PHLPP1: variants seen among roughly 807,000 people sequenced by gnomAD.
The protein encoded by PHLPP1 is PH domain leucine-rich repeat-containing protein phosphatase 1.
In PHLPP1, 42 loss-of-function variants were observed where a neutral mutation model predicts 117.2. That is an observed-to-expected ratio of 0.36 (90% confidence interval 0.28 to 0.46). The LOEUF (loss-of-function observed/expected upper bound fraction) is 0.46, where lower values mean the gene tolerates loss of function less well. Ranked by LOEUF, PHLPP1 falls within the 20% of genes least tolerant of loss-of-function variation. The pLI, the probability that PHLPP1 is intolerant of heterozygous loss-of-function variation, is 1.00. For synonymous variants in PHLPP1, 1,042 were observed against 970.7 expected (o/e 1.07, Z -1.37); for missense variants, 2,084 against 2,241.9 (o/e 0.93, Z 1.42).
At chr18:62,766,076 A>AAAAAAAAAAAAAAAAT in intron 1 of PHLPP1, among the ~76,000 whole-genome samples, 3 of 21,648 alleles carry the variant, frequency 1.4e-4, no homozygotes, top group African/African-American at 4.5e-4. Flanking sequence ...AAAAAAAAAA[A>AAAAAAAAAAAAAAAAT]ATATATATAT....
chr18:62,941,287 T>C (rs1055441389), intron 10 of PHLPP1, among the ~76,000 whole-genome samples: 5 of 152,208 alleles, frequency 3.3e-5, no homozygotes, highest in African/African-American at 1.2e-4. Context: ...CTAATTTTTA[T>C]AGAGGCAGGA....
chr18:62,884,116 G>A (rs1916229169), intron 4 of PHLPP1, among the ~76,000 whole-genome samples: 1 of 152,214 alleles, frequency 6.6e-6, no homozygotes, highest in African/African-American at 2.4e-5. Flanking sequence ...GTATTATGCA[G>A]CTGTCAAAAA....
intron 1 of PHLPP1, among the ~76,000 whole-genome samples, chr18:62,732,431 T>G (rs1911251683): frequency 6.6e-6 from 1 of 152,188 alleles, no homozygotes; most frequent in East Asian, 1.9e-4. Flanking sequence ...TTTAAGCCCA[T>G]TTTTGAGACC....
At chr18:62,875,060 T>G (rs966228410) in intron 4 of PHLPP1, among the ~76,000 whole-genome samples, 43 of 152,196 alleles carry the variant, frequency 2.8e-4, no homozygotes, top group South Asian at 4.1e-4. Context: ...GTTCAAGCGA[T>G]TCTCATGCCT....
At chr18:62,728,557 G>A (rs1206491254) in intron 1 of PHLPP1, among the ~76,000 whole-genome samples, 2 of 149,430 alleles carry the variant, frequency 1.3e-5, no homozygotes, top group African/African-American at 5.0e-5. Context: ...AGGCAGGAGT[G>A]CAGTGGCGCG....
chr18:62,876,584 G>C (rs897325676), intron 4 of PHLPP1, among the ~76,000 whole-genome samples: 2 of 152,266 alleles, frequency 1.3e-5, no homozygotes, highest in East Asian at 3.9e-4. Flanking sequence ...CACCACCAAG[G>C]ATAATCAAAA....
intron 3 of PHLPP1, among the ~76,000 whole-genome samples, chr18:62,843,599 G>A (rs1452936688): frequency 6.6e-6 from 1 of 152,216 alleles, no homozygotes; most frequent in African/African-American, 2.4e-5. Flanking sequence ...ATGTGTATTA[G>A]TGGTAGACAC....
At chr18:62,839,306 T>C (rs958499486) in intron 3 of PHLPP1, 1 of 167,256 alleles carries the variant, frequency 6.0e-6, no homozygotes, top group Non-Finnish European at 1.3e-5. Context: ...TAGTCTAATA[T>C]TATACCATCT....
chr18:62,749,082 G>A (rs376853708), intron 1 of PHLPP1, among the ~76,000 whole-genome samples: 4 of 151,848 alleles, frequency 2.6e-5, no homozygotes, highest in African/African-American at 7.3e-5. Flanking sequence ...CTGATAACTC[G>A]TCTTCATTTG....
intron 1 of PHLPP1, among the ~76,000 whole-genome samples, chr18:62,761,632 CA>C (rs1027407580): frequency 5.1e-5 from 5 of 98,828 alleles, no homozygotes; most frequent in Non-Finnish European, 8.3e-5. Flanking sequence ...GACTCCGTCT[CA>C]AAAAAAAATA....
chr18:62,801,504 G>C (rs1029634880), intron 1 of PHLPP1, among the ~76,000 whole-genome samples: 1 of 152,122 alleles, frequency 6.6e-6, no homozygotes, highest in African/African-American at 2.4e-5. Flanking sequence ...CCAGGCTGGA[G>C]TGCAATGGCG....
At chr18:62,822,747 G>T (rs1352070789) in intron 1 of PHLPP1, among the ~76,000 whole-genome samples, 1 of 152,118 alleles carries the variant, frequency 6.6e-6, no homozygotes, top group Non-Finnish European at 1.5e-5. Context: ...TACAGAGCAG[G>T]ATTTATACCA....
chr18:62,758,072 CAAATGTAA>C (rs1445417338), intron 1 of PHLPP1, among the ~76,000 whole-genome samples: 1 of 152,178 alleles, frequency 6.6e-6, no homozygotes, highest in Non-Finnish European at 1.5e-5. Flanking sequence ...GGAGCTTCTG[CAAATGTAA>C]AATGCCTTTT....
Position 62,978,373 on chromosome 18 carries a change from G to A in PHLPP1, c.4096G>A (p.Asp1366Asn). 1 of 1,612,758 alleles carries A rather than the reference G, an allele frequency of 6.2e-7. No homozygotes were observed. The highest frequency in any genetic ancestry group is 8.5e-7 in the Non-Finnish European group (1 of 1,179,342). Reference sequence around the variant, plus strand: ...GCAGTCCGTGCTCCTGACTCCCCAGGATGAGTTCTTCATCCTAGGCAGTAA... The same window carrying A: ...GCAGTCCGTGCTCCTGACTCCCCAGAATGAGTTCTTCATCCTAGGCAGTAA... ...HVQSVLLTPQ[D>N]EFFILGSKGL... Residue 1366 changes from aspartate to asparagine, a missense_variant, in exon 17 of 17, where the codon GAT becomes AAT. Coordinates refer to ENST00000262719, the MANE Select transcript of PHLPP1 (RefSeq NM_194449.4). This position sits in a 1 kb window ranked among gnomAD's most constrained non-coding sequence, Gnocchi z 7.0.
intron 14 of PHLPP1, among the ~76,000 whole-genome samples, chr18:62,972,129 C>T (rs939015112): frequency 6.6e-6 from 1 of 152,060 alleles, no homozygotes; most frequent in African/African-American, 2.4e-5. Context: ...GTCTATTTTT[C>T]CCAGTGTTTT....
At position 62,895,924 on chromosome 18, in the gene PHLPP1, A is replaced by C; in HGVS notation, c.2357A>C (p.Asp786Ala). The change falls in exon 6 of 17, where the codon GAT (aspartate) becomes GCT (alanine). Residue 786 changes from aspartate to alanine, a missense_variant. Asp to Ala is a moderately radical substitution (Grantham distance 126). Transcript: ENST00000262719. ...GTATTGGAGAAATTGACTGCTGTGG[A>C]TAAACTTTGTATGTCTGGAAACTGT... The part of the protein sequence containing the change: ...PEVLEKLTAV[D>A]KLCMSGNCVE... 1 of 1,613,880 alleles carries C rather than the reference A, an allele frequency of 6.2e-7. No homozygotes were observed. The highest frequency in any genetic ancestry group is 8.5e-7 in the Non-Finnish European group (1 of 1,179,790).
chr18:62,731,346 A>G (rs1911221842), intron 1 of PHLPP1: 1 of 152,086 alleles, frequency 6.6e-6, no homozygotes, highest in African/African-American at 2.4e-5. Context: ...TTTCATTGTT[A>G]TATCTGTTAA....
At chr18:62,747,276 CTTTTTTT>C (rs564178033) in intron 1 of PHLPP1, among the ~76,000 whole-genome samples, 58 of 123,178 alleles carry the variant, frequency 4.7e-4, no homozygotes, top group East Asian at 2.3e-3. Flanking sequence ...TCTTCATTTC[CTTTTTTT>C]TTTTTTTTTT....
intron 3 of PHLPP1, among the ~76,000 whole-genome samples, chr18:62,853,271 A>C (rs535075841): frequency 6.6e-6 from 1 of 152,102 alleles, no homozygotes; most frequent in African/African-American, 2.4e-5. Flanking sequence ...ATTTTGATGT[A>C]TCTCTCAGGG....
Sources: gnomAD v4.1 joint callset for allele counts (sites outside exome capture counted in the v4.1 genomes callset) on GRCh38, gnomAD v4.1.1 for gene constraint, Gnocchi (gnomAD v3.1) non-coding constraint, MANE v1.5 for transcripts, NCBI Gene and HGNC (gene_info 2026-07-23, HGNC 2026-07-21) for gene names.